The following LUZP1 variants were observed in gnomAD, a reference collection of about 807,000 sequenced individuals.
The protein encoded by LUZP1 is filamin mechanobinding actin cross-linking protein.
A neutral mutation model predicts 71.3 loss-of-function variants in LUZP1; 25 were observed. The ratio of observed to expected loss-of-function variants is 0.35; its 90% CI spans 0.26 to 0.49. LUZP1 has a LOEUF of 0.49. Among genes scored for constraint, LUZP1 ranks in the 20% least tolerant of loss-of-function variants. The probability of loss-of-function intolerance (pLI) is 0.99; values close to 1 mark genes in which losing one functional copy is unlikely to be tolerated. For synonymous variants in LUZP1, 481 were observed against 506.4 expected (o/e 0.95, Z 0.67); for missense variants, 1,142 against 1,300.8 (o/e 0.88, Z 1.88).
At chr1:23,162,439 T>C (rs1295546018) in intron 2 of LUZP1, among the ~76,000 whole-genome samples, 1 of 149,818 alleles carries the variant, frequency 6.7e-6, no homozygotes, top group Admixed American at 6.6e-5. Context: ...GTAATATACT[T>C]TTATTTTTTT....
intron 2 of LUZP1, among the ~76,000 whole-genome samples, chr1:23,128,506 T>C (rs996068583): frequency 1.3e-5 from 2 of 152,250 alleles, no homozygotes; most frequent in African/African-American, 4.8e-5. Flanking sequence ...TTAGTGTTAA[T>C]TGAGCCTTGA....
Position 23,102,319 on chromosome 1 carries a change from T to C in LUZP1, c.-120+6703A>G, listed in dbSNP as rs148727653. 6.6e-5 allele frequency among the ~76,000 whole-genome samples: 10 copies of C among 152,204 alleles called. No individual in the cohort carries two copies. In the East Asian group the frequency reaches 1.9e-3, roughly 29 times the overall value. ...CTGAACCCAGTTCCAAGTGGCCCCA[T>C]CCAGCATTTTGGAGGGTGGCTCTTC... On this transcript the variant is annotated intron_variant, in intron 3 of 4. Transcript: ENST00000302291.
rs1307165587 is a variant in LUZP1 at position 23,120,987 on chromosome 1, C to T, written c.-225-11860G>A. The stretch of plus-strand genomic sequence containing the variant: ...AGCTGACTACCTCTTAAGTTTTTCT[C>T]GTCTCCATAAAAATCAGTTACCCAG... On this transcript the variant is annotated intron_variant, in intron 2 of 4. Transcript: ENST00000302291. Among the ~76,000 whole-genome samples, 4 of 152,280 alleles carry T rather than the reference C, an allele frequency of 2.6e-5. No individual in the cohort carries two copies. In the South Asian group the frequency reaches 8.3e-4, roughly 32 times the overall value.
At position 23,138,891 on chromosome 1, in the gene LUZP1, G is replaced by A. The variant is rs61781466; in HGVS notation, c.-225-29764C>T. Among the ~76,000 whole-genome samples, 671 of 147,954 alleles carry A rather than the reference G, an allele frequency of 4.5e-3. 7 individuals are homozygous for A. The highest frequency in any genetic ancestry group is 0.015 in the African/African-American group (601 of 40,116). On this transcript the variant is annotated intron_variant, in intron 2 of 4. Transcript: ENST00000302291. ...CACGTGCCTATAGTCCCAGCTACTC[G>A]GGAGGCTGAGGCAGGAGAATCGCTT...
At chr1:23,139,019 A>AAAAAAAAAATAT (rs1317355746) in intron 2 of LUZP1, among the ~76,000 whole-genome samples, 13 of 59,948 alleles carry the variant, frequency 2.2e-4, no homozygotes, top group African/African-American at 4.6e-4. Context: ...AAAAAAAAAA[A>AAAAAAAAAATAT]ATATATATAT....
chr1:23,143,620 C>T (rs1644322167), intron 2 of LUZP1, among the ~76,000 whole-genome samples: 1 of 152,050 alleles, frequency 6.6e-6, no homozygotes, highest in African/African-American at 2.4e-5. Flanking sequence ...TTGCGCCAGG[C>T]TAACTGTTTA....
At chr1:23,171,956 C>G (rs902717707) in intron 1 of LUZP1, among the ~76,000 whole-genome samples, 8 of 152,318 alleles carry the variant, frequency 5.3e-5, no homozygotes, top group African/African-American at 1.9e-4. Context: ...CAGGAAAGAT[C>G]GGGATTCAAA....
chr1:23,145,444 C>T lies in LUZP1; in HGVS notation c.-226+23322G>A, dbSNP rs1177488641. 2.0e-5 allele frequency among the ~76,000 whole-genome samples: 3 copies of T among 151,002 alleles called. No individual in the cohort carries two copies. The East Asian group carries it at 5.8e-4, about 29-fold the overall frequency. The stretch of plus-strand genomic sequence containing the variant: ...ACTAACGTATTATCTCACAACAACC[C>T]TATGAGGCAGATACTATTAATCTCT... On this transcript the variant is annotated intron_variant, in intron 2 of 4. Transcript: ENST00000302291.
chr1:23,102,582 G>T (rs559507077), intron 3 of LUZP1, among the ~76,000 whole-genome samples: 246 of 152,286 alleles, frequency 1.6e-3, no homozygotes, highest in African/African-American at 5.6e-3. Context: ...ACTGAACTCT[G>T]ACAATGTAGT....
chr1:23,089,213 T>G (rs1423228926), intron 4 of LUZP1, among the ~76,000 whole-genome samples, 160 bp from the exon 4 acceptor site: 1 of 152,144 alleles, frequency 6.6e-6, no homozygotes, highest in East Asian at 1.9e-4. Flanking sequence ...TGCCTGAGTA[T>G]GGGCCAATAT....
intron 2 of LUZP1, among the ~76,000 whole-genome samples, chr1:23,161,236 C>T (rs1474280896): frequency 1.3e-5 from 2 of 151,992 alleles, no homozygotes; most frequent in African/African-American, 2.4e-5. Flanking sequence ...TAATCATGCA[C>T]GCAGATATAT....
Position 23,135,809 on chromosome 1 carries a change from T to A in LUZP1, c.-225-26682A>T, listed in dbSNP as rs142483967. Among the ~76,000 whole-genome samples the A allele has an allele frequency of 6.4e-3, 968 of 152,342 alleles. 2 individuals are homozygous for A. Among genetic ancestry groups the A allele is most frequent in the Non-Finnish European group, 0.011 (743 of 68,038 alleles). ...GTAACAAATATATGTTGGTTTTACT[T>A]GATGCTATAAATTATTAGGGATCAG... is the stretch of plus-strand genomic sequence containing the variant. On this transcript the variant is annotated intron_variant, in intron 2 of 4. Coordinates refer to ENST00000302291, the Ensembl canonical transcript of LUZP1.
chr1:23,092,086 T>C (rs752939097), exon 4 of LUZP1: 2 of 1,614,174 alleles, frequency 1.2e-6, no homozygotes, highest in East Asian at 2.2e-5. Context: ...TCCATGGTAT[T>C]GGTGGAGGCT....
At chr1:23,085,229 T>A (rs1002799442) in exon 5 of LUZP1, 2 of 152,558 alleles carry the variant, frequency 1.3e-5, no homozygotes, top group Non-Finnish European at 2.9e-5. Context: ...ACCAACAGGC[T>A]GCCCCCAACA....
intron 4 of LUZP1, 25 bp downstream of exon 3, chr1:23,091,165 A>G: frequency 6.4e-7 from 1 of 1,569,818 alleles, no homozygotes; most frequent in Non-Finnish European, 8.6e-7. Context: ...GAGAAAAGAG[A>G]GAGGGGAGAG....
At chr1:23,148,197 G>A (rs938947148) in intron 2 of LUZP1, among the ~76,000 whole-genome samples, 25 of 152,130 alleles carry the variant, frequency 1.6e-4, no homozygotes, top group African/African-American at 5.1e-4. Flanking sequence ...AGACCGACCC[G>A]GAACCTTCAG....
At position 23,093,993 on chromosome 1, in the gene LUZP1, C is replaced by T. The variant is rs560811130; in HGVS notation, c.269G>A (p.Arg90His). 8.7e-6 allele frequency: 14 copies of T among 1,614,210 alleles called. No individual in the cohort carries two copies. Among genetic ancestry groups the T allele is most frequent in the African/African-American group, 5.3e-5 (4 of 75,050 alleles). ...CTCTTCAAGTTTCTCCTTCATCAGACGACACAGATCCTCTGCTCTCTTAAT... is the reference window on the plus strand; with the variant it reads ...CTCTTCAAGTTTCTCCTTCATCAGATGACACAGATCCTCTGCTCTCTTAAT... The change falls in exon 4 of 5, where the codon CGT becomes CAT. Residue 90 changes from arginine (R) to histidine (H), a missense_variant. Coordinates refer to ENST00000302291, the Ensembl canonical transcript of LUZP1. This position sits in a 1 kb window ranked among gnomAD's most constrained non-coding sequence, Gnocchi z 4.2.
intron 2 of LUZP1, among the ~76,000 whole-genome samples, chr1:23,126,850 T>C (rs1483806045): frequency 6.6e-6 from 1 of 152,178 alleles, no homozygotes; most frequent in Non-Finnish European, 1.5e-5. Flanking sequence ...TAATGTGCAA[T>C]TTCTCCCGCA....
At chr1:23,091,462 C>G in exon 4 of LUZP1, 1 of 1,614,144 alleles carries the variant, frequency 6.2e-7, no homozygotes. Context: ...GGGGGGTCTT[C>G]TAAAGATTTC....
Sources: gnomAD v4.1 joint callset for allele counts (sites outside exome capture counted in the v4.1 genomes callset) on GRCh38, gnomAD v4.1.1 for gene constraint, Gnocchi (gnomAD v3.1) non-coding constraint, MANE v1.5 for transcripts, NCBI Gene and HGNC (gene_info 2026-07-23, HGNC 2026-07-21) for gene names.